Variants in RFX3 observed in about 807,000 individuals in gnomAD.
The protein encoded by RFX3 is transcription factor RFX3.
Under a neutral mutation model 98.6 loss-of-function variants are expected in RFX3, and 14 were observed. That is an observed-to-expected ratio of 0.14 (90% CI 0.09 to 0.22). The LOEUF (loss-of-function observed/expected upper bound fraction) is 0.22, where lower values mean the gene tolerates loss of function less well. RFX3 is among the 10% of genes least tolerant of loss of function. The probability of loss-of-function intolerance (pLI) is 1.00; values close to 1 mark genes in which losing one functional copy is unlikely to be tolerated. For missense variants in RFX3, 639 were observed against 926.9 expected (o/e 0.69, Z 4.03); for synonymous variants, 383 against 328.4 (o/e 1.17, Z -1.80).
intron 1 of RFX3, among the ~76,000 whole-genome samples, chr9:3,424,510 C>T (rs562531090): frequency 1.8e-4 from 27 of 151,244 alleles, no homozygotes; most frequent in South Asian, 4.2e-4. Context: ...TACAGGCGCC[C>T]GCCACCGCGC....
chr9:3,276,720 C>G (rs1376303453), intron 8 of RFX3, among the ~76,000 whole-genome samples: 1 of 151,994 alleles, frequency 6.6e-6, no homozygotes, highest in Non-Finnish European at 1.5e-5. Flanking sequence ...TTCTACTTAT[C>G]TTGACCTGTT....
chr9:3,505,307 AAT>A (rs1392096419), intron 1 of RFX3, among the ~76,000 whole-genome samples: 1 of 76,284 alleles, frequency 1.3e-5, no homozygotes, highest in South Asian at 4.5e-4. Context: ...TATATATATA[AAT>A]ATATATTAAT....
chr9:3,330,430 G>C lies in RFX3; in HGVS notation c.303C>G (p.Ala101=), dbSNP rs542583077. 11 of 1,613,888 alleles carry C rather than the reference G, an allele frequency of 6.8e-6. No homozygotes were observed. The East Asian group carries it at 2.5e-4, about 36-fold the overall frequency. The part of the protein sequence containing the change: ...GNYFDTQGSS[A]QVTTVVSSHS... ...GGGATGAGACCACGGTAGTCACCTG[G>C]GCGGAACTCCCTTGAGTATCAAAGT... is the stretch of plus-strand genomic sequence containing the variant. Residue 101 remains alanine (A), a synonymous_variant, in exon 4 of 17, where the codon GCC becomes GCG. Coordinates refer to ENST00000617270, the MANE Select transcript of RFX3 (RefSeq NM_001282116.2).
At chr9:3,239,104 A>T (rs1004333915) in intron 15 of RFX3, among the ~76,000 whole-genome samples, 1 of 152,204 alleles carries the variant, frequency 6.6e-6, no homozygotes, top group Non-Finnish European at 1.5e-5. Context: ...TGAAATTTCA[A>T]TATAAGGAGT....
At chr9:3,451,773 A>G (rs911753193) in intron 1 of RFX3, among the ~76,000 whole-genome samples, 2 of 152,092 alleles carry the variant, frequency 1.3e-5, no homozygotes, top group African/African-American at 4.8e-5. Flanking sequence ...TCTGTTTAAT[A>G]TCTTCACATG....
intron 1 of RFX3, among the ~76,000 whole-genome samples, chr9:3,471,203 T>A (rs887893417): frequency 1.4e-4 from 22 of 152,216 alleles, no homozygotes; most frequent in African/African-American, 4.8e-4. Flanking sequence ...ATATATTAGA[T>A]GCTGCCATAA....
intron 4 of RFX3, among the ~76,000 whole-genome samples, chr9:3,327,734 A>G (rs1329906769): frequency 6.6e-6 from 1 of 152,152 alleles, no homozygotes; most frequent in Non-Finnish European, 1.5e-5. Context: ...GTTTTGTAAC[A>G]GTTTTCAACT....
At chr9:3,451,041 A>C (rs1025410425) in intron 1 of RFX3, among the ~76,000 whole-genome samples, 2 of 152,206 alleles carry the variant, frequency 1.3e-5, no homozygotes, top group Admixed American at 6.5e-5. Context: ...GGAAATATAA[A>C]AGGCGAATCT....
chr9:3,362,836 T>C (rs1836613834), intron 2 of RFX3, among the ~76,000 whole-genome samples: 1 of 152,210 alleles, frequency 6.6e-6, no homozygotes, highest in South Asian at 2.1e-4. Context: ...GAGCAGAAGC[T>C]ACTTGGAAGA....
chr9:3,294,830 A>G (rs979521141), intron 5 of RFX3, among the ~76,000 whole-genome samples: 1 of 152,170 alleles, frequency 6.6e-6, no homozygotes, highest in Non-Finnish European at 1.5e-5. Flanking sequence ...TTGATCAGAA[A>G]GACTTGAAGT....
At chr9:3,413,991 A>G (rs1842677076) in intron 1 of RFX3, among the ~76,000 whole-genome samples, 1 of 152,126 alleles carries the variant, frequency 6.6e-6, no homozygotes, top group Middle Eastern at 3.2e-3. Flanking sequence ...ATCCAATTAA[A>G]AATTTTAAAA....
At position 3,219,848 on chromosome 9, in the gene RFX3, A is replaced by T. The variant is rs1197010958; in HGVS notation, c.*5194T>A. The T allele has an allele frequency of 6.6e-6, 1 of 152,218 alleles. No individual in the cohort carries two copies. The highest frequency in any genetic ancestry group is 1.5e-5 in the Non-Finnish European group (1 of 68,050). 9.4% of individuals were successfully genotyped at this position (152,218 alleles called of 1,614,324 possible). ...GTTTACGGCATACTTGCACTATGCT[A>T]TGGATGTCCTTTCACCAGACATCAG... On this transcript the variant is annotated 3_prime_UTR_variant, in exon 17 of 17. Transcript: ENST00000617270.
At chr9:3,512,142 C>T (rs559899416) in intron 1 of RFX3, among the ~76,000 whole-genome samples, 31 of 151,978 alleles carry the variant, frequency 2.0e-4, no homozygotes, top group African/African-American at 7.2e-4. Context: ...AAAACAAGAT[C>T]ATTTTTAAAT....
chr9:3,389,820 T>C (rs1326597715), intron 2 of RFX3, among the ~76,000 whole-genome samples: 14 of 152,026 alleles, frequency 9.2e-5, no homozygotes, highest in Admixed American at 9.2e-4. Flanking sequence ...TACCACAAAC[T>C]GAAAAAAGTT....
chr9:3,467,028 TTA>T (rs138952591), intron 1 of RFX3, among the ~76,000 whole-genome samples: 5,856 of 98,750 alleles, frequency 0.059, 336 homozygotes, highest in East Asian at 0.25. Flanking sequence ...ATCTAAAGAA[TTA>T]TATATATATA....
chr9:3,281,975 C>A (rs1254229948), intron 7 of RFX3, among the ~76,000 whole-genome samples: 1 of 151,730 alleles, frequency 6.6e-6, no homozygotes, highest in East Asian at 1.9e-4. Context: ...GAAAAATGCA[C>A]ATGCAAACAC....
At chr9:3,265,330 T>A (rs1372226885) in intron 12 of RFX3, among the ~76,000 whole-genome samples, 2 of 152,190 alleles carry the variant, frequency 1.3e-5, no homozygotes, top group African/African-American at 4.8e-5. Context: ...TTGCCTTCTA[T>A]ATGTTTTAGA....
chr9:3,384,247 T>C (rs1229402695), intron 2 of RFX3, among the ~76,000 whole-genome samples: 1 of 152,144 alleles, frequency 6.6e-6, no homozygotes, highest in Non-Finnish European at 1.5e-5. Flanking sequence ...CTCCAATACA[T>C]ATTGAGCATT....
At chr9:3,328,690 A>G (rs1453374419) in intron 4 of RFX3, among the ~76,000 whole-genome samples, 1 of 152,182 alleles carries the variant, frequency 6.6e-6, no homozygotes, top group African/African-American at 2.4e-5. Flanking sequence ...AAATTAGGGA[A>G]AAGGCACTGA....
Sources: allele counts gnomAD v4.1 joint callset (sites outside exome capture counted in the v4.1 genomes callset), GRCh38; gene constraint gnomAD v4.1.1; transcripts MANE v1.5; gene names NCBI Gene and HGNC (gene_info 2026-07-23, HGNC 2026-07-21).